Variants in BBS9 observed in about 807,000 individuals in gnomAD.
BBS9 encodes the protein Bardet-Biedl syndrome 9, also known as protein PTHB1.
BBS9 carries 89 observed loss-of-function variants against 117.7 expected under a neutral mutation model. That is an observed-to-expected ratio of 0.76 (90% CI 0.64 to 0.90). BBS9 has a LOEUF of 0.90. BBS9 is among the 40% of genes least tolerant of loss of function. The pLI is 0.00. For synonymous variants in BBS9, 379 were observed against 370.9 expected, an observed-to-expected ratio of 1.02 and a Z score of -0.25; for missense variants, 982 against 1,042.2, an observed-to-expected ratio of 0.94 and a Z score of 0.80.
chr7:33,358,092 T>TA, intron 16 of BBS9, 97 bp downstream of exon 16: 1 of 1,470,762 alleles, frequency 6.8e-7, no homozygotes, highest in Non-Finnish European at 9.4e-7. Flanking sequence ...AATTATCAGA[T>TA]AATTGTTAAG....
chr7:33,206,867 T>G (rs996116290), intron 5 of BBS9, among the ~76,000 whole-genome samples: 1 of 152,170 alleles, frequency 6.6e-6, no homozygotes, highest in African/African-American at 2.4e-5. Flanking sequence ...TGCATTAAAT[T>G]ATCATGTCTT....
chr7:33,443,906 C>T (rs1367819392), intron 19 of BBS9, among the ~76,000 whole-genome samples: 1 of 152,224 alleles, frequency 6.6e-6, no homozygotes, highest in African/African-American at 2.4e-5. Context: ...AAACTGTGCT[C>T]ACCACAGTAG....
chr7:33,480,308 T>A (rs527973601), intron 19 of BBS9, among the ~76,000 whole-genome samples: 2 of 152,194 alleles, frequency 1.3e-5, no homozygotes, highest in Non-Finnish European at 2.9e-5. Flanking sequence ...TGTGCAAGGC[T>A]CTATACTAGT....
rs17170181 is a variant in BBS9, at chr7:33,312,740, A to G, written c.1017-23701A>G. ...TGACCTCCCTAGCCTTAACACCTTT[A>G]CAAATTATACTTGTTCTTCTGGGTT... On this transcript the variant is annotated intron_variant, in intron 9 of 22. Transcript: ENST00000242067. Among the ~76,000 whole-genome samples the G allele has an allele frequency of 0.016, 2,410 of 152,184 alleles. 189 individuals are homozygous for G. In the East Asian group the frequency reaches 0.27, roughly 17 times the overall value.
intron 5 of BBS9, among the ~76,000 whole-genome samples, chr7:33,218,391 A>G (rs1485751830): frequency 6.6e-6 from 1 of 152,186 alleles, no homozygotes; most frequent in African/African-American, 2.4e-5. Flanking sequence ...ATATGGTTGT[A>G]TATTTGCCTG....
At chr7:33,303,001 C>G (rs1211826033) in intron 9 of BBS9, among the ~76,000 whole-genome samples, 3 of 151,818 alleles carry the variant, frequency 2.0e-5, no homozygotes, top group African/African-American at 7.3e-5. Context: ...TTGATTATTT[C>G]CTAGGTATTT....
At chr7:33,599,031 T>C (rs922931872) in intron 21 of BBS9, among the ~76,000 whole-genome samples, 1 of 152,182 alleles carries the variant, frequency 6.6e-6, no homozygotes, top group Non-Finnish European at 1.5e-5. Flanking sequence ...AATGGAATAG[T>C]GGTACCAGAG....
intron 1 of BBS9, among the ~76,000 whole-genome samples, chr7:33,134,531 A>G (rs550866317): frequency 6.6e-6 from 1 of 152,040 alleles, no homozygotes; most frequent in Admixed American, 6.6e-5. Flanking sequence ...CCATCATTTC[A>G]TCTTCTTGAT....
intron 11 of BBS9, among the ~76,000 whole-genome samples, chr7:33,342,092 T>C (rs184181458): frequency 7.9e-5 from 12 of 152,262 alleles, no homozygotes; most frequent in Admixed American, 7.8e-4. Flanking sequence ...TATCAGAACA[T>C]ACTTTAAAAC....
intron 19 of BBS9, among the ~76,000 whole-genome samples, chr7:33,407,186 A>T (rs982870571): frequency 6.6e-6 from 1 of 151,940 alleles, no homozygotes; most frequent in Non-Finnish European, 1.5e-5. Flanking sequence ...CGTTCATTTC[A>T]TCTTCCATCA....
chr7:33,226,828 TTAGAG>T (rs1791376917), intron 5 of BBS9, among the ~76,000 whole-genome samples: 2 of 152,168 alleles, frequency 1.3e-5, no homozygotes, highest in South Asian at 2.1e-4. Context: ...CATAAGGTTC[TTAGAG>T]TAGAGTAGTC....
At chr7:33,338,824 A>G (rs909463536) in intron 10 of BBS9, among the ~76,000 whole-genome samples, 5 of 152,204 alleles carry the variant, frequency 3.3e-5, no homozygotes, top group African/African-American at 1.2e-4. Context: ...AATTTTATTT[A>G]TGATTTAGAT....
At chr7:33,402,983 G>C (rs1829188045) in intron 19 of BBS9, among the ~76,000 whole-genome samples, 1 of 151,894 alleles carries the variant, frequency 6.6e-6, no homozygotes, top group Admixed American at 6.6e-5. Context: ...AAGTATAATG[G>C]CTTCCAGCTA....
At chr7:33,302,310 C>T (rs968131382) in intron 9 of BBS9, among the ~76,000 whole-genome samples, 4 of 151,940 alleles carry the variant, frequency 2.6e-5, no homozygotes, top group African/African-American at 4.8e-5. Context: ...TTTCTGTTTT[C>T]GTTGCCTGTG....
Position 33,336,604 on chromosome 7 carries a change from G to T in BBS9, c.1180G>T (p.Asp394Tyr). 6.2e-7 allele frequency: 1 copy of T among 1,609,614 alleles called. No individual in the cohort carries two copies. The highest frequency in any genetic ancestry group is 8.5e-7 in the Non-Finnish European group (1 of 1,176,980). ...EMKELQKIIKDVNKSQGVWPM... is the reference protein window; with the variant it reads ...EMKELQKIIKYVNKSQGVWPM... ...GAAAGAACTTCAGAAAATCATCAAA[G>T]ATGTTAACAAATCACAAGGTATCTC... is the stretch of plus-strand genomic sequence containing the variant. The change falls in exon 10 of 23, where the codon GAT becomes TAT. Residue 394 changes from aspartate to tyrosine, a missense_variant. Asp to Tyr is a radical substitution (Grantham distance 160). Transcript: ENST00000242067.
In BBS9 at chr7:33,589,629, G is replaced by A. The variant is rs555928175; in HGVS notation, c.2522-15236G>A. Among the ~76,000 whole-genome samples, 4 of 152,204 alleles carry A rather than the reference G, an allele frequency of 2.6e-5. No individual in the cohort carries two copies. In the East Asian group the frequency reaches 5.8e-4, roughly 22 times the overall value. On this transcript the variant is annotated intron_variant, in intron 21 of 22. Coordinates refer to ENST00000242067, the MANE Select transcript of BBS9 (RefSeq NM_198428.3). ...AGAATGACTCTAGTAGTTTTGGCTC[G>A]AGACACTGAAAGGGTGGAGTTGAGA...
chr7:33,483,968 A>G (rs1050800163), intron 19 of BBS9, among the ~76,000 whole-genome samples: 6 of 152,136 alleles, frequency 3.9e-5, no homozygotes, highest in Non-Finnish European at 8.8e-5. Context: ...TTTATCTTCA[A>G]GCTTTCAAAG....
At chr7:33,232,576 G>T (rs1156641649) in intron 5 of BBS9, among the ~76,000 whole-genome samples, 1 of 151,812 alleles carries the variant, frequency 6.6e-6, no homozygotes. Context: ...ACTTCCTTAG[G>T]TTTGTCTGAA....
At chr7:33,232,794 A>G (rs1204486769) in intron 5 of BBS9, among the ~76,000 whole-genome samples, 4 of 152,116 alleles carry the variant, frequency 2.6e-5, no homozygotes, top group Non-Finnish European at 4.4e-5. Context: ...GTATATATCT[A>G]TATGTATGTG....
Sources: gnomAD v4.1 joint callset for allele counts (sites outside exome capture counted in the v4.1 genomes callset) on GRCh38, gnomAD v4.1.1 for gene constraint, MANE v1.5 for transcripts, NCBI Gene and HGNC (gene_info 2026-07-23, HGNC 2026-07-21) for gene names.